Variants in LBP observed in about 807,000 individuals in gnomAD.
LBP encodes lipopolysaccharide binding protein, also known as lipopolysaccharide-binding protein.
A neutral mutation model predicts 56.6 loss-of-function variants in LBP; 53 were observed. The observed-to-expected ratio is 0.94, with a 90% CI of 0.75 to 1.18. The LOEUF (loss-of-function observed/expected upper bound fraction) is 1.18, where lower values mean the gene tolerates loss of function less well. Ranked by LOEUF, LBP falls within the 50% of genes most tolerant of loss-of-function variation. The pLI is 0.00. For synonymous variants in LBP, 227 were observed against 247.5 expected (o/e 0.92, Z 0.78); for missense variants, 601 against 598.3 (o/e 1.00, Z -0.05).
chr20:38,351,038 G>T, intron 3 of LBP, 99 bp downstream of exon 3: 1 of 1,479,380 alleles, frequency 6.8e-7, no homozygotes. Context: ...GAAAGGCCAC[G>T]TGATGGACAG....
chr20:38,358,089 A>T (rs2122606322), intron 5 of LBP, among the ~76,000 whole-genome samples: 1 of 152,256 alleles, frequency 6.6e-6, no homozygotes, highest in East Asian at 1.9e-4. Context: ...GTGACTAAGA[A>T]TGCCTAACCT....
rs1370591310 is a variant in LBP, at chr20:38,362,127, C to T, written c.652+1360C>T. 4.1e-5 allele frequency among the ~76,000 whole-genome samples: 6 copies of T among 146,706 alleles called. No homozygotes were observed. The East Asian group carries it at 6.1e-4, about 15-fold the overall frequency. On this transcript the variant is annotated intron_variant, in intron 6 of 14. Coordinates refer to ENST00000217407, the MANE Select transcript of LBP (RefSeq NM_004139.5). ...AGGCTGGAGTGCAGTGGCGCAATCT[C>T]GGCTCACTGCAAGCTTCGCCTCGCG...
intron 5 of LBP, among the ~76,000 whole-genome samples, chr20:38,358,669 C>T (rs2076849476): frequency 6.6e-6 from 1 of 152,192 alleles, no homozygotes. Flanking sequence ...CTCCCAGCCC[C>T]CAGCGTCACC....
chr20:38,366,964 T>C, intron 9 of LBP, 136 bp downstream of exon 9: 1 of 785,558 alleles, frequency 1.3e-6, no homozygotes, highest in Admixed American at 2.0e-5. Flanking sequence ...AAGGCTGGGG[T>C]GCTGCTCCTT....
chr20:38,371,457 G>T (rs1452679373), intron 12 of LBP, 135 bp downstream of exon 12: 2 of 660,924 alleles, frequency 3.0e-6, no homozygotes, highest in East Asian at 2.8e-5. Context: ...AGTGTAAAAG[G>T]TCTCGAAAAC....
chr20:38,369,141 G>T lies in LBP; in HGVS notation c.1128G>T (p.Glu376Asp), dbSNP rs150948020. 2.5e-6 allele frequency: 4 copies of T among 1,614,092 alleles called. No individual in the cohort carries two copies. In the Admixed American group the frequency reaches 6.7e-5, roughly 27 times the overall value. ...AFVLLPSSSK[E>D]PVFRLSVATN... ...TGCTCCTGCCCAGCTCCAGCAAGGA[G>T]CCTGTCTTCCGGCTCAGTGTGGTAA... The change falls in exon 10 of 15, where the codon GAG becomes GAT. Residue 376 changes from glutamate to aspartate, a missense_variant. Physicochemically the swap from Glu to Asp is conservative, Grantham distance 45 (BLOSUM62 2). Coordinates refer to ENST00000217407, the MANE Select transcript of LBP (RefSeq NM_004139.5).
chr20:38,352,862 T>C (rs1451598753), intron 3 of LBP, among the ~76,000 whole-genome samples: 1 of 152,146 alleles, frequency 6.6e-6, no homozygotes, highest in African/African-American at 2.4e-5. Context: ...ATATTTTTTA[T>C]ATTGATTACA....
chr20:38,368,641 C>G (rs1347006545), intron 9 of LBP, among the ~76,000 whole-genome samples: 1 of 152,154 alleles, frequency 6.6e-6, no homozygotes, highest in Non-Finnish European at 1.5e-5. Flanking sequence ...GTCCTTCAAC[C>G]CAGCAACTCC....
intron 12 of LBP, among the ~76,000 whole-genome samples, chr20:38,372,793 A>G (rs542678859): frequency 6.6e-6 from 1 of 152,174 alleles, no homozygotes; most frequent in Non-Finnish European, 1.5e-5. Flanking sequence ...CAGGAAAAAC[A>G]TTCTCACTGT....
In LBP at chr20:38,350,875, A is replaced by G. The variant is rs2076818132; in HGVS notation, c.304A>G (p.Ser102Gly). Residue 102 changes from serine to glycine, a missense_variant, in exon 3 of 15, where the codon AGT becomes GGT. By Grantham distance (56) the Ser-to-Gly change is moderately conservative. Coordinates refer to ENST00000217407, the MANE Select transcript of LBP (RefSeq NM_004139.5). ...ALRPVPGQGL[S>G]LSISDSSIRV... ...GAGGCCTGTCCCTGGCCAGGGCCTG[A>G]GTCTCAGCATCTCCGACTCCTCCAT... is the stretch of plus-strand genomic sequence containing the variant. The G allele has an allele frequency of 6.2e-7, 1 of 1,613,926 alleles. No individual in the cohort carries two copies. The highest frequency in any genetic ancestry group is 8.5e-7 in the Non-Finnish European group (1 of 1,179,942).
chr20:38,368,553 G>A (rs1177974791), intron 9 of LBP, among the ~76,000 whole-genome samples: 3 of 151,972 alleles, frequency 2.0e-5, no homozygotes, highest in African/African-American at 7.3e-5. Flanking sequence ...GAGCTGAGAT[G>A]GCACCATTGC....
At chr20:38,366,567 G>GC (rs916607219) in intron 8 of LBP, among the ~76,000 whole-genome samples, 3 of 152,142 alleles carry the variant, frequency 2.0e-5, no homozygotes, top group African/African-American at 4.8e-5. Flanking sequence ...CACATCAGCT[G>GC]CCCCCCGGGG....
chr20:38,366,720 C>A, intron 8 of LBP, 49 bp from the exon 9 acceptor site: 1 of 1,544,954 alleles, frequency 6.5e-7, no homozygotes, highest in Non-Finnish European at 8.9e-7. Context: ...TTTAGACCTT[C>A]AGCTCCAGCG....
rs140183821 is a variant in LBP, at chr20:38,355,359, C to T, written c.538C>T (p.Leu180Phe). The change falls in exon 5 of 15, where the codon CTC becomes TTC. Residue 180 changes from leucine to phenylalanine, a missense_variant. Leu to Phe is a conservative substitution (Grantham distance 22, BLOSUM62 0). Transcript: ENST00000217407. ...TTCTCTCCCCAGGTGGCTGTTGAACCTCTTCCACAACCAGATTGAGTCCAA... is the reference window on the plus strand; with the variant it reads ...TTCTCTCCCCAGGTGGCTGTTGAACTTCTTCCACAACCAGATTGAGTCCAA... ...MSGDLGWLLN[L>F]FHNQIESKFQ... 6.2e-7 allele frequency: 1 copy of T among 1,613,806 alleles called. No individual in the cohort carries two copies.
chr20:38,348,954 C>T (rs368984796), intron 1 of LBP, among the ~76,000 whole-genome samples: 4 of 151,986 alleles, frequency 2.6e-5, no homozygotes, highest in South Asian at 2.1e-4. Flanking sequence ...CCACCATGCC[C>T]GGCTAATTTT....
At chr20:38,355,256 G>A in intron 4 of LBP, 90 bp from the exon 5 acceptor site, 1 of 1,177,250 alleles carries the variant, frequency 8.5e-7, no homozygotes, top group Admixed American at 1.7e-5. Context: ...GGCTCCCTTT[G>A]TGGACTGGCC....
chr20:38,350,512 A>T lies in LBP; in HGVS notation c.240-299A>T, dbSNP rs563303154. Among the ~76,000 whole-genome samples the T allele has an allele frequency of 2.0e-5, 3 of 152,278 alleles. No homozygotes were observed. In the East Asian group the frequency reaches 5.8e-4, roughly 29 times the overall value. On this transcript the variant is annotated intron_variant, in intron 2 of 14. Coordinates refer to ENST00000217407, the MANE Select transcript of LBP (RefSeq NM_004139.5). Reference sequence around the variant, plus strand: ...GATGCCACCGGGGGTCATTAGATTCATGGGTTCTGATGCAGACTGCAAAAC... The same window carrying T: ...GATGCCACCGGGGGTCATTAGATTCTTGGGTTCTGATGCAGACTGCAAAAC...
intron 7 of LBP, 90 bp downstream of exon 7, chr20:38,364,156 G>A (rs2232602): frequency 0.063 from 53,023 of 844,914 alleles, 2,224 homozygotes; most frequent in South Asian, 0.13. Flanking sequence ...CTTCAGATCT[G>A]TCCTCATCCT....
chr20:38,348,064 T>C (rs900730344), intron 1 of LBP, among the ~76,000 whole-genome samples: 1 of 152,088 alleles, frequency 6.6e-6, no homozygotes, highest in Non-Finnish European at 1.5e-5. Context: ...GACCCCAACA[T>C]GTGCGTTTGC....
Sources: gnomAD v4.1 joint callset for allele counts (sites outside exome capture counted in the v4.1 genomes callset) on GRCh38, gnomAD v4.1.1 for gene constraint, MANE v1.5 for transcripts, NCBI Gene and HGNC (gene_info 2026-07-23, HGNC 2026-07-21) for gene names.